The following ZFP14 variants were observed in gnomAD, a reference collection of about 807,000 sequenced individuals.
The protein encoded by ZFP14 is zinc finger protein 14 homolog.
In ZFP14, 22 loss-of-function variants were observed where a neutral mutation model predicts 54.5. The ratio of observed to expected loss-of-function variants is 0.40; its 90% CI spans 0.29 to 0.58. ZFP14 has a LOEUF of 0.58. Ranked by LOEUF, ZFP14 falls within the 20% of genes least tolerant of loss-of-function variation. The pLI is 0.39. For synonymous variants in ZFP14, 159 were observed against 204.0 expected (o/e 0.78, Z 1.88); for missense variants, 470 against 637.8 (o/e 0.74, Z 2.83).
intron 4 of ZFP14, among the ~76,000 whole-genome samples, chr19:36,357,524 T>A (rs2031635490): frequency 6.6e-6 from 1 of 152,174 alleles, no homozygotes; most frequent in African/African-American, 2.4e-5. Flanking sequence ...GCTGAGAGGT[T>A]TGTTTATTTG....
chr19:36,338,440 C>T lies in ZFP14; in HGVS notation c.*1784G>A, dbSNP rs1259105063. 1.3e-5 allele frequency: 2 copies of T among 151,804 alleles called. No homozygotes were observed. Among genetic ancestry groups the T allele is most frequent in the African/African-American group, 4.8e-5 (2 of 41,276 alleles). 9.4% of individuals were successfully genotyped at this position (151,804 alleles called of 1,614,324 possible). On this transcript the variant is annotated 3_prime_UTR_variant, in exon 5 of 5. Transcript: ENST00000270001. ...GTGGCTCATACCTGTAACCCCAGCA[C>T]CTTTGGAGGCCAAGGAGGGAGGATC...
intron 4 of ZFP14, among the ~76,000 whole-genome samples, chr19:36,358,640 T>G (rs1363658545): frequency 6.6e-6 from 1 of 152,158 alleles, no homozygotes; most frequent in East Asian, 1.9e-4. Context: ...CCTTACCAGA[T>G]TGAGGAAGTT....
intron 2 of ZFP14, among the ~76,000 whole-genome samples, chr19:36,366,813 T>A (rs2031801704): frequency 6.6e-6 from 1 of 152,180 alleles, no homozygotes; most frequent in Non-Finnish European, 1.5e-5. Flanking sequence ...TATATTTTTT[T>A]GTATATATGT....
In ZFP14 at chr19:36,367,894, G is replaced by A; in HGVS notation, c.-2C>T. The A allele has an allele frequency of 6.2e-7, 1 of 1,611,630 alleles. No individual in the cohort carries two copies. The highest frequency in any genetic ancestry group is 8.5e-7 in the Non-Finnish European group (1 of 1,178,608). ...GAAACATTAACTTACATGGGCCATG[G>A]TTTTAGAACTGCAAAAACTGGTCAG... On this transcript the variant is annotated 5_prime_UTR_variant, in exon 2 of 5. Coordinates refer to ENST00000270001, the MANE Select transcript of ZFP14 (RefSeq NM_020917.3).
chr19:36,346,227 A>G (rs1281117833), intron 4 of ZFP14, among the ~76,000 whole-genome samples: 1 of 152,168 alleles, frequency 6.6e-6, no homozygotes, highest in Non-Finnish European at 1.5e-5. Flanking sequence ...CGGGCATTGC[A>G]ATGAGCCATG....
chr19:36,360,869 C>T (rs979695923), intron 3 of ZFP14, among the ~76,000 whole-genome samples: 13 of 152,160 alleles, frequency 8.5e-5, no homozygotes, highest in Non-Finnish European at 1.9e-4. Flanking sequence ...GGCTTCACAT[C>T]CTGCCTTTGT....
chr19:36,360,718 T>A (rs574317813), intron 3 of ZFP14, among the ~76,000 whole-genome samples, 185 bp from the exon 4 acceptor site: 1 of 152,346 alleles, frequency 6.6e-6, no homozygotes, highest in African/African-American at 2.4e-5. Flanking sequence ...ATAGCCTGTA[T>A]GAGGTTAAAT....
intron 4 of ZFP14, among the ~76,000 whole-genome samples, chr19:36,355,599 C>G (rs2031599697): frequency 7.2e-6 from 1 of 139,622 alleles, no homozygotes. Context: ...GGGAGGATTG[C>G]TTGGGCCCAG....
rs991689538 is a variant in ZFP14 at position 36,375,367 on chromosome 19, G to A, written c.-80+3796C>T. ...CTCTTCCCTTCATCGTGAGATTGCT[G>A]AATAAAGCAGGAAGGAATTTTTTTT... On this transcript the variant is annotated intron_variant, in intron 1 of 4. Transcript: ENST00000270001. Among the ~76,000 whole-genome samples the A allele has an allele frequency of 6.0e-5, 9 of 150,494 alleles. No homozygotes were observed. In the Admixed American group the frequency reaches 6.0e-4, roughly 10 times the overall value.
In ZFP14 at chr19:36,367,956, T is replaced by C. The variant is rs777216294; in HGVS notation, c.-64A>G. The stretch of plus-strand genomic sequence containing the variant: ...ATTTCTCTGTTGGAGAACTATGGAG[T>C]CCTGATAAGCCAGAGCTGAAAGAAG... On this transcript the variant is annotated 5_prime_UTR_variant, in exon 2 of 5. Transcript: ENST00000270001. 1.4e-5 allele frequency: 22 copies of C among 1,562,754 alleles called. No individual in the cohort carries two copies. The highest frequency in any genetic ancestry group is 5.6e-5 in the Admixed American group (3 of 53,294).
Position 36,350,234 on chromosome 19 carries a change from G to C in ZFP14, c.236-8644C>G, listed in dbSNP as rs1307919774. ...CACACAGAGAAAAGAACAAAAATGA[G>C]AAACAAACACTATCTGAAGATATAG... On this transcript the variant is annotated intron_variant, in intron 4 of 4. Transcript: ENST00000270001. Among the ~76,000 whole-genome samples, 2 of 142,274 alleles carry C rather than the reference G, an allele frequency of 1.4e-5. 1 individual carries two copies. The highest frequency in any genetic ancestry group is 1.4e-4 in the Admixed American group (2 of 13,884). The allele number at this position is 142,274 out of a possible 152,430, so 93.3% of individuals were successfully genotyped here. A position where few individuals can be genotyped will look rare whatever the true frequency, so the allele number is the denominator to read the frequency against.
At chr19:36,375,567 C>T (rs1051768059) in intron 1 of ZFP14, among the ~76,000 whole-genome samples, 1 of 117,674 alleles carries the variant, frequency 8.5e-6, no homozygotes, top group East Asian at 2.4e-4. Flanking sequence ...TTTGTATTTT[C>T]TTTTTTTTTT....
rs1361976915 is a variant in ZFP14, at chr19:36,334,764, C to T, written c.*5460G>A. The stretch of plus-strand genomic sequence containing the variant: ...CAAAGCTGTTCCTATTCCAGATATT[C>T]GGACTGAGAATTCCACAATAAATTT... On this transcript the variant is annotated 3_prime_UTR_variant, in exon 5 of 5. Transcript: ENST00000270001. 6.6e-6 allele frequency: 1 copy of T among 152,146 alleles called. No individual in the cohort carries two copies. The highest frequency in any genetic ancestry group is 2.4e-5 in the African/African-American group (1 of 41,412). The allele number at this position is 152,146 out of a possible 1,614,324, so 9.4% of individuals were successfully genotyped here. A position where few individuals can be genotyped will look rare whatever the true frequency, so the allele number is the denominator to read the frequency against.
chr19:36,363,284 C>G (rs1313967741), intron 2 of ZFP14, among the ~76,000 whole-genome samples: 1 of 149,628 alleles, frequency 6.7e-6, no homozygotes, highest in Admixed American at 6.8e-5. Context: ...AGCTCCGCCT[C>G]CCAGGTTCAC....
intron 2 of ZFP14, among the ~76,000 whole-genome samples, chr19:36,364,797 C>T (rs2031765946): frequency 6.6e-6 from 1 of 151,912 alleles, no homozygotes; most frequent in African/African-American, 2.4e-5. Flanking sequence ...TCAGATAAGA[C>T]CAAATTCTCT....
chr19:36,347,008 T>A (rs1039645763), intron 4 of ZFP14, among the ~76,000 whole-genome samples: 1 of 152,200 alleles, frequency 6.6e-6, no homozygotes, highest in African/African-American at 2.4e-5. Flanking sequence ...GTTCCTTTTC[T>A]ATAAGGCAGC....
chr19:36,364,534 G>A (rs192980990), intron 2 of ZFP14, among the ~76,000 whole-genome samples: 1 of 152,206 alleles, frequency 6.6e-6, no homozygotes, highest in Non-Finnish European at 1.5e-5. Flanking sequence ...CGCTGGGTGT[G>A]GGCATATCGG....
At chr19:36,373,926 A>T (rs909037574) in intron 1 of ZFP14, among the ~76,000 whole-genome samples, 1 of 150,770 alleles carries the variant, frequency 6.6e-6, no homozygotes, top group Non-Finnish European at 1.5e-5. Context: ...AAAAAAAAAA[A>T]GAAAAAAATG....
intron 1 of ZFP14, among the ~76,000 whole-genome samples, chr19:36,376,576 G>A (rs939871556): frequency 6.6e-6 from 1 of 151,978 alleles, no homozygotes; most frequent in African/African-American, 2.4e-5. Flanking sequence ...ATTCTTCGCA[G>A]CCCTGCTCTT....
Sources: gnomAD v4.1 joint callset for allele counts (sites outside exome capture counted in the v4.1 genomes callset) on GRCh38, gnomAD v4.1.1 for gene constraint, MANE v1.5 for transcripts, NCBI Gene and HGNC (gene_info 2026-07-23, HGNC 2026-07-21) for gene names.